Variants in CD36 observed in about 807,000 individuals in gnomAD.
CD36 encodes platelet glycoprotein 4.
Under a neutral mutation model 55.2 loss-of-function variants are expected in CD36, and 119 were observed. The ratio of observed to expected loss-of-function variants is 2.15; its 90% confidence interval spans 1.86 to 2.51. The LOEUF (loss-of-function observed/expected upper bound fraction) is 2.51. Among genes scored for constraint, CD36 ranks in the 30% most tolerant of loss-of-function variants. The pLI is 0.00. For missense variants in CD36, 819 were observed against 555.5 expected (o/e 1.47, Z -4.77); for synonymous variants, 186 against 193.6 (o/e 0.96, Z 0.33).
chr7:80,657,005 AG>A (rs1385952211), intron 4 of CD36, among the ~76,000 whole-genome samples: 1 of 152,100 alleles, frequency 6.6e-6, no homozygotes, highest in Non-Finnish European at 1.5e-5. Flanking sequence ...ATGTTTATGA[AG>A]TTAGTGTTTT....
intron 12 of CD36, 107 bp from the exon 13 acceptor site, chr7:80,673,248 C>G (rs1042712742): frequency 1.4e-4 from 86 of 607,658 alleles, no homozygotes; most frequent in Non-Finnish European, 2.6e-5. Flanking sequence ...ATTACAGGAA[C>G]AAAATCAAAT....
chr7:80,664,317 T>G (rs1796815384), intron 6 of CD36, 89 bp from the exon 7 acceptor site: 1 of 766,246 alleles, frequency 1.3e-6, no homozygotes, highest in African/African-American at 1.7e-5. Context: ...GAGTAACCAG[T>G]GATTGAGAAA....
At chr7:80,640,541 A>T (rs901090245) in intron 1 of CD36, among the ~76,000 whole-genome samples, 7 of 152,002 alleles carry the variant, frequency 4.6e-5, no homozygotes, top group African/African-American at 1.7e-4. Flanking sequence ...CCAGAACTGA[A>T]TCTACATTTC....
intron 10 of CD36, 75 bp from the exon 11 acceptor site, chr7:80,671,847 T>TGGAAATATTTTTTGA: frequency 7.4e-7 from 1 of 1,356,556 alleles, no homozygotes; most frequent in Non-Finnish European, 1.0e-6. Flanking sequence ...TTTAGTTTTG[T>TGGAAATATTTTTTGA]GGAAATATTT....
intron 13 of CD36, chr7:80,673,657 C>T: frequency 1.8e-6 from 1 of 557,230 alleles, no homozygotes; most frequent in South Asian, 2.3e-5. Context: ...TCTTCTATTG[C>T]CTGACAAGGT....
chr7:80,639,897 T>C (rs1794696174), intron 1 of CD36: 1 of 151,958 alleles, frequency 6.6e-6, no homozygotes. Flanking sequence ...AGATAATGGG[T>C]TAGCCTGGGA....
At chr7:80,627,254 T>G (rs1188295086) in intron 1 of CD36, among the ~76,000 whole-genome samples, 1 of 152,110 alleles carries the variant, frequency 6.6e-6, no homozygotes, top group Non-Finnish European at 1.5e-5. Context: ...TGAAGTTATT[T>G]TTGAATCCTC....
At chr7:80,631,999 A>G (rs1794097151) in intron 1 of CD36, among the ~76,000 whole-genome samples, 3 of 151,872 alleles carry the variant, frequency 2.0e-5, no homozygotes. Flanking sequence ...CAAGGTATTC[A>G]TTTGAGAAGT....
intron 11 of CD36, 77 bp downstream of exon 11, chr7:80,672,117 G>A: frequency 1.7e-6 from 2 of 1,165,526 alleles, no homozygotes. Context: ...TCTTGTCGAT[G>A]ATTATTTATT....
Position 80,663,142 on chromosome 7 carries a change from T to A in CD36, c.582T>A (p.Val194=), listed in dbSNP as rs1796695989. 7 of 1,613,608 alleles carry A rather than the reference T, an allele frequency of 4.3e-6. No homozygotes were observed. The highest frequency in any genetic ancestry group is 1.7e-5 in the Admixed American group (1 of 60,000). ...TTTTGAGTTTGGTTCCGTACCCTGT[T>A]ACTACCACAGTTGGTCTGTTTTATC... ...DPFLSLVPYP[V]TTTVGLFYPY... Residue 194 remains valine, a synonymous_variant, in exon 6 of 15, where the codon GTT becomes GTA. Coordinates refer to ENST00000447544, the MANE Select transcript of CD36 (RefSeq NM_001001548.3).
chr7:80,659,526 A>T (rs2116628807), intron 4 of CD36, among the ~76,000 whole-genome samples: 1 of 152,278 alleles, frequency 6.6e-6, no homozygotes, highest in Non-Finnish European at 1.5e-5. Context: ...CCTTCCCTTG[A>T]CCTTATAAAC....
At chr7:80,651,108 T>C (rs1795577133) in intron 3 of CD36, among the ~76,000 whole-genome samples, 1 of 152,078 alleles carries the variant, frequency 6.6e-6, no homozygotes, top group Non-Finnish European at 1.5e-5. Flanking sequence ...ACATAGGTAG[T>C]TGTATGCTAA....
intron 4 of CD36, among the ~76,000 whole-genome samples, chr7:80,657,102 A>G (rs556093276): frequency 2.3e-4 from 35 of 152,286 alleles, no homozygotes; most frequent in African/African-American, 7.9e-4. Context: ...AATTTAAAGC[A>G]TATTTTAACA....
chr7:80,664,845 G>T (rs1256925999), intron 7 of CD36, among the ~76,000 whole-genome samples: 17 of 65,246 alleles, frequency 2.6e-4, no homozygotes, highest in Admixed American at 1.1e-3. Flanking sequence ...AACCATAAAT[G>T]AAAAGGTAAA....
Position 80,656,581 on chromosome 7 carries a change from G to A in CD36, c.162G>A (p.Trp54Ter). 1 of 1,613,646 alleles carries A rather than the reference G, an allele frequency of 6.2e-7. No homozygotes were observed. Among genetic ancestry groups the A allele is most frequent in the Non-Finnish European group, 8.5e-7 (1 of 1,179,732 alleles). Residue 54 changes from tryptophan to a stop codon, truncating the protein, a stop_gained, in exon 4 of 15, where the codon TGG becomes TGA. Coordinates refer to ENST00000447544, the MANE Select transcript of CD36 (RefSeq NM_001001548.3). LOFTEE classifies it high-confidence loss of function. ...LEEGTIAFKNWVKTGTEVYRQ... is the reference protein window; with the variant it reads ...LEEGTIAFKN ...AAGGTACAATTGCTTTTAAAAATTG[G>A]GTTAAAACAGGCACAGAAGTTTACA... is the stretch of plus-strand genomic sequence containing the variant.
Position 80,661,187 on chromosome 7 carries a change from A to T in CD36, c.406A>T (p.Thr136Ser), listed in dbSNP as rs371551921. The T allele has an allele frequency of 3.1e-6, 5 of 1,613,886 alleles. No homozygotes were observed. Among genetic ancestry groups the T allele is most frequent in the Non-Finnish European group, 3.4e-6 (4 of 1,179,902 alleles). The change falls in exon 5 of 15, where the codon ACA becomes TCA. Residue 136 changes from threonine to serine, a missense_variant. By Grantham distance (58) the Thr-to-Ser change is moderately conservative. Coordinates refer to ENST00000447544, the MANE Select transcript of CD36 (RefSeq NM_001001548.3). ...AGTTGGAACAGAGGCTGACAACTTC[A>T]CAGTTCTCAATCTGGCTGTGGCAGT... ...LSVGTEADNF[T>S]VLNLAVAAAS... is the part of the protein sequence containing the mutation.
At chr7:80,640,216 T>C (rs1435159733) in intron 1 of CD36, among the ~76,000 whole-genome samples, 3 of 152,040 alleles carry the variant, frequency 2.0e-5, no homozygotes, top group African/African-American at 7.2e-5. Flanking sequence ...AGTAGCTGTC[T>C]TTCCATTTGC....
chr7:80,634,637 T>G (rs1175266446), upstream of CD36, among the ~76,000 whole-genome samples: 1 of 152,114 alleles, frequency 6.6e-6, no homozygotes, highest in African/African-American at 2.4e-5. Context: ...AGAACTCTTG[T>G]TACCCATCTG....
rs150075775 is a variant in CD36, at chr7:80,674,032, C to G, written c.1304C>G (p.Thr435Ser). ...GCAAACATGTTCAGAAGTCAAGTAA[C>G]TGGAAAAATAAACCTCCTTGGCCTG... ...EKANMFRSQVTGKINLLGLIE... is the reference protein window; with the variant it reads ...EKANMFRSQVSGKINLLGLIE... Residue 435 changes from threonine to serine, a missense_variant, in exon 14 of 15, where the codon ACT (threonine) becomes AGT (serine). Coordinates refer to ENST00000447544, the MANE Select transcript of CD36 (RefSeq NM_001001548.3). The G allele has an allele frequency of 6.2e-7, 1 of 1,612,212 alleles. No homozygotes were observed. The highest frequency in any genetic ancestry group is 1.7e-4 in the Middle Eastern group (1 of 6,052).
Sources: allele counts gnomAD v4.1 joint callset (sites outside exome capture counted in the v4.1 genomes callset), GRCh38; gene constraint gnomAD v4.1.1; transcripts MANE v1.5; gene names NCBI Gene and HGNC (gene_info 2026-07-23, HGNC 2026-07-21).